Variants in PER2 observed in about 807,000 individuals in gnomAD.
PER2 encodes period circadian protein homolog 2.
In PER2, 66 loss-of-function variants were observed where a neutral mutation model predicts 121.0. The observed-to-expected ratio is 0.55, with a 90% CI of 0.45 to 0.67. The LOEUF is 0.67. Among genes scored for constraint, PER2 ranks in the 30% least tolerant of loss-of-function variants. PER2 has a pLI of 0.00. For missense variants in PER2, 1,521 were observed against 1,635.0 expected (o/e 0.93, Z 1.20); for synonymous variants, 684 against 659.9 (o/e 1.04, Z -0.56).
At chr2:238,255,951 C>G (rs1424835602) in intron 17 of PER2, 40 bp from the exon 18 acceptor site, 2 of 1,612,874 alleles carry the variant, frequency 1.2e-6, no homozygotes, top group Non-Finnish European at 1.7e-6. Flanking sequence ...CACACGTGCC[C>G]TGTTTATTAT....
chr2:238,258,218 T>A, intron 16 of PER2, 58 bp downstream of exon 16: 2 of 1,591,286 alleles, frequency 1.3e-6, no homozygotes, highest in South Asian at 2.2e-5. Flanking sequence ...GACGTCTGAC[T>A]CTACTCCAGA....
intron 1 of PER2, among the ~76,000 whole-genome samples, chr2:238,283,432 G>C (rs1696688610): frequency 6.6e-6 from 1 of 152,230 alleles, no homozygotes; most frequent in Admixed American, 6.5e-5. Flanking sequence ...ATTCTCAAGA[G>C]AGCCTGAAGG....
rs138107601 is a variant in PER2, at chr2:238,270,606, G to A, written c.772+706C>T. Among the ~76,000 whole-genome samples the A allele has an allele frequency of 6.7e-3, 1,024 of 152,324 alleles. 4 individuals are homozygous for A. Among genetic ancestry groups the A allele is most frequent in the Middle Eastern group, 0.037 (11 of 294 alleles). On this transcript the variant is annotated intron_variant, in intron 6 of 22. Transcript: ENST00000254657. ...AGGGAGGAGAGCTGGGGCACAGGAG[G>A]CCCTGAGGAGAGTGGGGGTCAGAGG...
rs1379403503 is a variant in PER2 at position 238,253,777 on chromosome 2, C to T, written c.2321-75G>A. 1.7e-6 allele frequency: 2 copies of T among 1,209,974 alleles called. No homozygotes were observed. Among genetic ancestry groups the T allele is most frequent in the East Asian group, 5.1e-5 (2 of 39,430 alleles). The allele number at this position is 1,209,974 out of a possible 1,614,324, so 75.0% of individuals were successfully genotyped here. A position where few individuals can be genotyped will look rare whatever the true frequency, so the allele number is the denominator to read the frequency against. ...GAAGACACCTCTTCGTTCAACAGTCCTGGGTTTCCAAATGCTGGCCCAGGG... is the reference window on the plus strand; with the variant it reads ...GAAGACACCTCTTCGTTCAACAGTCTTGGGTTTCCAAATGCTGGCCCAGGG... On this transcript the variant is annotated intron_variant, in intron 18 of 22. Coordinates refer to ENST00000254657, the MANE Select transcript of PER2 (RefSeq NM_022817.3). The surrounding 1 kb of genome is among the most constrained non-coding windows in gnomAD (Gnocchi z 5.6).
At chr2:238,267,704 G>C (rs927949912) in intron 8 of PER2, among the ~76,000 whole-genome samples, 9 of 152,196 alleles carry the variant, frequency 5.9e-5, no homozygotes, top group African/African-American at 2.2e-4. Context: ...CATGGGGCAG[G>C]GGATGAGGAT....
At chr2:238,275,988 G>A (rs994679953) in intron 3 of PER2, 91 bp from the exon 4 acceptor site, 67 of 1,272,844 alleles carry the variant, frequency 5.3e-5, no homozygotes, top group Non-Finnish European at 6.9e-5. Flanking sequence ...TCTCAGCCTC[G>A]GCTCTAGAGA....
At chr2:238,256,308 G>A (rs1310630192) in intron 17 of PER2, among the ~76,000 whole-genome samples, 1 of 152,222 alleles carries the variant, frequency 6.6e-6, no homozygotes, top group Non-Finnish European at 1.5e-5. Flanking sequence ...GGCCCATGGG[G>A]CAGACAGGAC....
Position 238,246,298 on chromosome 2 carries a change from A to G in PER2, c.*77T>C, listed in dbSNP as rs1264384115. 3 of 1,086,950 alleles carry G rather than the reference A, an allele frequency of 2.8e-6. No individual in the cohort carries two copies. The highest frequency in any genetic ancestry group is 2.6e-6 in the Non-Finnish European group (2 of 763,708). The allele number at this position is 1,086,950 out of a possible 1,614,324, so 67.3% of individuals were successfully genotyped here. On this transcript the variant is annotated 3_prime_UTR_variant, in exon 23 of 23. Transcript: ENST00000254657. ...CATATGTGTCCATTTCAGTGGAAAC[A>G]GCCATGAAGATCTTTCATCTCTTCC...
the PER2 span, chr2:238,295,840 G>A: frequency 1.1e-5 from 2 of 182,170 alleles, no homozygotes; most frequent in Non-Finnish European, 2.3e-5. Context: ...CCATGTGTAG[G>A]TGGACTGTTG....
chr2:238,277,132 T>G lies in PER2; in HGVS notation c.292A>C (p.Ser98Arg). The G allele has an allele frequency of 6.2e-7, 1 of 1,605,940 alleles. No individual in the cohort carries two copies. The highest frequency in any genetic ancestry group is 8.5e-7 in the Non-Finnish European group (1 of 1,172,458). ...SEHNPSTSGC[S>R]SDQSSKVDTH... is the part of the protein sequence containing the mutation. ...GTATGAAGTTCTAATTGGCCTTACCTGCAGCCACTTGTAGATGGGTTGTGT... is the reference window on the plus strand; with the variant it reads ...GTATGAAGTTCTAATTGGCCTTACCGGCAGCCACTTGTAGATGGGTTGTGT... Residue 98 changes from serine to arginine, a missense_variant and splice_region_variant, in exon 3 of 23, where the codon AGT (serine) becomes CGT (arginine). By Grantham distance (110) the Ser-to-Arg change is moderately radical. Coordinates refer to ENST00000254657, the MANE Select transcript of PER2 (RefSeq NM_022817.3).
At chr2:238,263,267 G>T (rs752521025) in intron 9 of PER2, among the ~76,000 whole-genome samples, 1 of 151,686 alleles carries the variant, frequency 6.6e-6, no homozygotes, top group Non-Finnish European at 1.5e-5. Context: ...GCTGAAGGAG[G>T]CTCCCTCTGC....
chr2:238,264,561 C>T (rs571870308), intron 9 of PER2, among the ~76,000 whole-genome samples: 2 of 152,336 alleles, frequency 1.3e-5, no homozygotes, highest in South Asian at 4.1e-4. Context: ...GCTTCTTGGT[C>T]CACTTCCTGT....
intron 1 of PER2, among the ~76,000 whole-genome samples, chr2:238,282,165 A>G (rs973617563): frequency 2.0e-4 from 31 of 152,296 alleles, no homozygotes; most frequent in African/African-American, 7.5e-4. Context: ...TCTCCTGGGC[A>G]TGTCCTGTTA....
In PER2 at chr2:238,277,723, G is replaced by GT; in HGVS notation, c.213dup (p.Pro72ThrfsTer11). 6.2e-7 allele frequency: 1 copy of GT among 1,614,134 alleles called. No homozygotes were observed. The highest frequency in any genetic ancestry group is 8.5e-7 in the Non-Finnish European group (1 of 1,180,022). On this transcript the variant is annotated frameshift_variant, in exon 2 of 23. Coordinates refer to ENST00000254657, the MANE Select transcript of PER2 (RefSeq NM_022817.3). LOFTEE classifies it high-confidence loss of function. ...TGAACTCACCTCTGGCGGGCATCCG[G>GT]TGGCTCCACCAGCATCCCCAGCTCC...
At chr2:238,260,081 A>T (rs1397847285) in intron 13 of PER2, 28 bp from the exon 14 acceptor site, 2 of 1,026,232 alleles carry the variant, frequency 1.9e-6, no homozygotes, top group African/African-American at 1.6e-5. Context: ...TGAACACATT[A>T]TTCATTCTAG....
chr2:238,244,661 G>T lies in PER2; in HGVS notation c.*1714C>A, dbSNP rs1237547058. 3.3e-5 allele frequency: 5 copies of T among 152,304 alleles called. No homozygotes were observed. In the East Asian group the frequency reaches 9.6e-4, roughly 29 times the overall value. The allele number at this position is 152,304 out of a possible 1,614,324, so 9.4% of individuals were successfully genotyped here. On this transcript the variant is annotated 3_prime_UTR_variant, in exon 23 of 23. Transcript: ENST00000254657. ...AAAATTAAAGTGTTCTTGTGTTTAT[G>T]AAGAATAGGTTTAATAGTCAGGCAT...
rs779932921 is a variant in PER2 at position 238,268,202 on chromosome 2, C to A, written c.825-4G>T. On this transcript the variant is annotated splice_polypyrimidine_tract_variant and splice_region_variant and intron_variant, in intron 7 of 22. Transcript: ENST00000254657. This position sits in a 1 kb window ranked among gnomAD's most constrained non-coding sequence, Gnocchi z 4.0. Reference sequence around the variant, plus strand: ...ATTCTCGTGGCTTTTCCGGACACTGCGGAGAAGAGCCACGCTCTAAGTTGG... The same window carrying A: ...ATTCTCGTGGCTTTTCCGGACACTGAGGAGAAGAGCCACGCTCTAAGTTGG... 3 of 1,613,620 alleles carry A rather than the reference C, an allele frequency of 1.9e-6. No homozygotes were observed. The highest frequency in any genetic ancestry group is 4.5e-5 in the East Asian group (2 of 44,872).
At chr2:238,277,402 C>T (rs781232505) in intron 2 of PER2, among the ~76,000 whole-genome samples, 12 of 152,106 alleles carry the variant, frequency 7.9e-5, no homozygotes, top group Non-Finnish European at 1.5e-4. Flanking sequence ...ATAACAGGAG[C>T]CAGTTCCTTT....
intron 19 of PER2, 71 bp from the exon 20 acceptor site, chr2:238,251,832 G>T: frequency 1.0e-6 from 1 of 989,110 alleles, no homozygotes. Context: ...GCGGGGTGGG[G>T]GTGGGGGGCA....
Sources: allele counts gnomAD v4.1 joint callset (sites outside exome capture counted in the v4.1 genomes callset), GRCh38; gene constraint gnomAD v4.1.1; non-coding constraint Gnocchi (gnomAD v3.1); transcripts MANE v1.5; gene names NCBI Gene and HGNC (gene_info 2026-07-23, HGNC 2026-07-21).